The following CDC42BPB variants were observed in gnomAD, a reference collection of about 807,000 sequenced individuals.
CDC42BPB encodes the protein CDC42 binding protein kinase beta.
In CDC42BPB, 37 loss-of-function variants were observed where a neutral mutation model predicts 214.9. The observed-to-expected ratio is 0.17, with a 90% CI of 0.13 to 0.23. The LOEUF (loss-of-function observed/expected upper bound fraction) is 0.23. Ranked by LOEUF, CDC42BPB falls within the 10% of genes least tolerant of loss-of-function variation. The pLI, the probability that CDC42BPB is intolerant of heterozygous loss-of-function variation, is 1.00. For missense variants in CDC42BPB, 1,694 were observed against 2,227.0 expected, an observed-to-expected ratio of 0.76 and a Z score of 4.82; for synonymous variants, 931 against 884.0, an observed-to-expected ratio of 1.05 and a Z score of -0.94.
intron 23 of CDC42BPB, among the ~76,000 whole-genome samples, chr14:102,953,651 T>C (rs958800384): frequency 2.6e-5 from 4 of 152,208 alleles, no homozygotes; most frequent in African/African-American, 4.8e-5. Context: ...GATGTTTATA[T>C]GAAAGAAAAG....
At chr14:102,969,629 A>G (rs1476494930) in intron 14 of CDC42BPB, among the ~76,000 whole-genome samples, 2 of 152,214 alleles carry the variant, frequency 1.3e-5, no homozygotes, top group Non-Finnish European at 1.5e-5. Flanking sequence ...GCCACGCCAT[A>G]CTGCCAAGGA....
Position 103,056,939 on chromosome 14 carries a change from C to T in CDC42BPB, c.175+60G>A, listed in dbSNP as rs1430507279. 8.3e-6 allele frequency: 10 copies of T among 1,200,758 alleles called. No individual in the cohort carries two copies. The East Asian group carries it at 1.6e-4, about 19-fold the overall frequency. 74.4% of individuals were successfully genotyped at this position (1,200,758 alleles called of 1,614,324 possible). A position where few individuals can be genotyped will look rare whatever the true frequency, so the allele number is the denominator to read the frequency against. Reference sequence around the variant, plus strand: ...GCGGGGATGGGCGGGCGTGGGGATGCGCGGGCTGGGGCGCGGGGGTCGCAG... The same window carrying T: ...GCGGGGATGGGCGGGCGTGGGGATGTGCGGGCTGGGGCGCGGGGGTCGCAG... On this transcript the variant is annotated intron_variant, in intron 1 of 36. Coordinates refer to ENST00000361246, the MANE Select transcript of CDC42BPB (RefSeq NM_006035.4).
rs766800088 is a variant in CDC42BPB, at chr14:102,938,198, T to G, written c.4934-24A>C. The G allele has an allele frequency of 4.3e-6, 7 of 1,611,356 alleles. No homozygotes were observed. In the East Asian group the frequency reaches 1.3e-4, roughly 31 times the overall value. ...ACCTACAGAACAAGGACAGCTTTCC[T>G]CTTAGGGAGAAAGTCAAGAACGGAA... On this transcript the variant is annotated intron_variant, in intron 35 of 36. Transcript: ENST00000361246.
rs1187351853 is a variant in CDC42BPB, at chr14:103,057,299, G to T, written c.-126C>A. The T allele has an allele frequency of 1.7e-5, 18 of 1,073,206 alleles. No individual in the cohort carries two copies. Among genetic ancestry groups the T allele is most frequent in the African/African-American group, 1.7e-5 (1 of 58,820 alleles). 66.5% of individuals were successfully genotyped at this position (1,073,206 alleles called of 1,614,324 possible). The stretch of plus-strand genomic sequence containing the variant: ...AGCAGCGGCGCCTCCTCGCCGCCCC[G>T]TCCGCGTCGTCGCGCCCCGGCCTAG... On this transcript the variant is annotated 5_prime_UTR_variant, in exon 1 of 37. Coordinates refer to ENST00000361246, the MANE Select transcript of CDC42BPB (RefSeq NM_006035.4).
chr14:103,045,556 T>G (rs557628172), intron 1 of CDC42BPB, among the ~76,000 whole-genome samples: 1 of 152,298 alleles, frequency 6.6e-6, no homozygotes, highest in South Asian at 2.1e-4. Flanking sequence ...AGGTACTCCC[T>G]GCTTCTTCAC....
chr14:102,945,448 C>T, intron 29 of CDC42BPB: 1 of 574,418 alleles, frequency 1.7e-6, no homozygotes, highest in Non-Finnish European at 3.2e-6. Flanking sequence ...CCCACTCCCG[C>T]TCAGTGCTCC....
intron 1 of CDC42BPB, among the ~76,000 whole-genome samples, chr14:103,033,887 GC>G (rs1350787450): frequency 6.6e-6 from 1 of 152,176 alleles, no homozygotes; most frequent in Non-Finnish European, 1.5e-5. Context: ...AGGAAAATCA[GC>G]CCCACGCCTG....
At chr14:103,014,165 C>CAAA (rs1171233966) in intron 1 of CDC42BPB, among the ~76,000 whole-genome samples, 7 of 24,492 alleles carry the variant, frequency 2.9e-4, no homozygotes, top group African/African-American at 9.3e-4. Context: ...GACTCCGTCT[C>CAAA]AAAAAAAAAA....
rs1343749390 is a variant in CDC42BPB at position 102,938,173 on chromosome 14, A to C, written c.4935T>G (p.Gly1645=). ...GCACAGTCACGCTAGGCTCCGATCC[A>C]CCTACAGAACAAGGACAGCTTTCCT... ...NKPYISWPSS[G]GSEPSVTVPL... Residue 1645 remains glycine, a splice_region_variant and synonymous_variant, in exon 36 of 37, where the codon GGT becomes GGG. Coordinates refer to ENST00000361246, the MANE Select transcript of CDC42BPB (RefSeq NM_006035.4). 2.5e-6 allele frequency: 4 copies of C among 1,613,320 alleles called. No homozygotes were observed. Among genetic ancestry groups the C allele is most frequent in the Middle Eastern group, 3.3e-4 (2 of 6,060 alleles).
At chr14:102,970,129 A>C in intron 14 of CDC42BPB, 22 bp downstream of exon 14, 1 of 1,571,310 alleles carries the variant, frequency 6.4e-7, no homozygotes, top group African/African-American at 1.3e-5. Context: ...AGTTAAGGGC[A>C]GAGACCCCCG....
intron 5 of CDC42BPB, among the ~76,000 whole-genome samples, chr14:102,994,205 C>G (rs181053035): frequency 1.2e-3 from 185 of 152,222 alleles, no homozygotes; most frequent in Admixed American, 2.0e-3. Flanking sequence ...GGATGTTTTT[C>G]CAGGGGCCAC....
chr14:103,023,681 G>A (rs1031419065), intron 1 of CDC42BPB, among the ~76,000 whole-genome samples: 7 of 152,010 alleles, frequency 4.6e-5, no homozygotes, highest in Admixed American at 1.3e-4. Flanking sequence ...TTTTTTAACT[G>A]ATTTTCGAGT....
intron 1 of CDC42BPB, among the ~76,000 whole-genome samples, chr14:103,032,171 G>T (rs1887417446): frequency 6.6e-6 from 1 of 151,946 alleles, no homozygotes; most frequent in African/African-American, 2.4e-5. Context: ...GTCCCCCTCT[G>T]CTGTCTCAGA....
rs1893035349 is a variant in CDC42BPB, at chr14:102,963,141, G to A, written c.2741C>T (p.Ser914Phe). ...TAATAATTCTCTGTTTTTGGCTTCG[G>A]AATCCTTTAGTTTGCTAAAATAAAA... is the stretch of plus-strand genomic sequence containing the variant. ...NLTLESKLKDSEAKNRELLEE... is the reference protein window; with the variant it reads ...NLTLESKLKDFEAKNRELLEE... Residue 914 changes from serine to phenylalanine, a missense_variant, in exon 20 of 37, where the codon TCC becomes TTC. Transcript: ENST00000361246. The A allele has an allele frequency of 1.2e-5, 19 of 1,595,148 alleles. No homozygotes were observed. The highest frequency in any genetic ancestry group is 1.6e-5 in the Non-Finnish European group (19 of 1,167,828).
At chr14:102,993,470 C>A (rs1252543514) in intron 5 of CDC42BPB, among the ~76,000 whole-genome samples, 1 of 150,776 alleles carries the variant, frequency 6.6e-6, no homozygotes, top group African/African-American at 2.4e-5. Context: ...TTTCTGCATT[C>A]TTTTCTCATG....
At chr14:102,966,916 G>A in intron 17 of CDC42BPB, 130 bp downstream of exon 17, 1 of 1,071,410 alleles carries the variant, frequency 9.3e-7, no homozygotes, top group African/African-American at 1.6e-5. Flanking sequence ...GGGAACAGCA[G>A]TGAGACCTGC....
intron 6 of CDC42BPB, 30 bp downstream of exon 6, chr14:102,986,456 CA>C (rs760974828): frequency 1.3e-6 from 2 of 1,566,826 alleles, no homozygotes; most frequent in East Asian, 2.2e-5. Context: ...AACCCAAAAC[CA>C]AATGGAAAAT....
At chr14:102,956,854 T>C (rs1051219505) in intron 21 of CDC42BPB, among the ~76,000 whole-genome samples, 4 of 149,878 alleles carry the variant, frequency 2.7e-5, no homozygotes, top group Non-Finnish European at 5.9e-5. Flanking sequence ...ATGGTAAGTT[T>C]TATGTTATGT....
At chr14:102,963,691 C>T (rs1286964216) in intron 19 of CDC42BPB, among the ~76,000 whole-genome samples, 6 of 152,292 alleles carry the variant, frequency 3.9e-5, no homozygotes, top group Middle Eastern at 3.4e-3. Flanking sequence ...AAATCACCTG[C>T]GGAGTGTGTG....
Sources: allele counts gnomAD v4.1 joint callset (sites outside exome capture counted in the v4.1 genomes callset), GRCh38; gene constraint gnomAD v4.1.1; transcripts MANE v1.5; gene names NCBI Gene and HGNC (gene_info 2026-07-23, HGNC 2026-07-21).